The following MXD4 variants were observed in gnomAD, a reference collection of about 807,000 sequenced individuals.
MXD4 encodes MAX dimerization protein 4, also known as Mad4 homolog.
A neutral mutation model predicts 24.5 loss-of-function variants in MXD4; 16 were observed. The ratio of observed to expected loss-of-function variants is 0.65; its 90% confidence interval spans 0.44 to 0.99. MXD4 has a LOEUF of 0.99. Among genes scored for constraint, MXD4 ranks in the 50% least tolerant of loss-of-function variants. MXD4 has a pLI of 0.00. For synonymous variants in MXD4, 164 were observed against 134.2 expected, an observed-to-expected ratio of 1.22 and a Z score of -1.54; for missense variants, 301 against 301.5, an observed-to-expected ratio of 1.00 and a Z score of 0.01.
Position 2,252,489 on chromosome 4 carries a change from G to C in MXD4, c.228C>G (p.Leu76=). The part of the protein sequence containing the change: ...RAKLRLYLEQ[L]KQLVPLGPDS... ...CGGGGCCCAGGGGCACCAGTTGCTT[G>C]AGCTGCTCAAGGTACAGCCTGAGTT... Residue 76 remains leucine (L), a synonymous_variant, in exon 4 of 6, where the codon CTC becomes CTG. Transcript: ENST00000337190. 1.2e-6 allele frequency: 2 copies of C among 1,612,128 alleles called. No homozygotes were observed. Among genetic ancestry groups the C allele is most frequent in the Non-Finnish European group, 1.7e-6 (2 of 1,179,938 alleles).
intron 5 of MXD4, 69 bp downstream of exon 5, chr4:2,251,015 C>T: frequency 6.9e-7 from 1 of 1,449,448 alleles, no homozygotes; most frequent in Non-Finnish European, 9.1e-7. Context: ...CACCTCCTCT[C>T]CACCCAGGGA....
At chr4:2,258,990 A>T (rs1226595300) in intron 2 of MXD4, 1 of 455,104 alleles carries the variant, frequency 2.2e-6, no homozygotes, top group Non-Finnish European at 4.4e-6. Flanking sequence ...TCCCAGCTCC[A>T]GGCCACCTTC....
At chr4:2,251,489 C>T (rs962964219) in intron 4 of MXD4, among the ~76,000 whole-genome samples, 3 of 152,238 alleles carry the variant, frequency 2.0e-5, no homozygotes, top group African/African-American at 7.2e-5. Flanking sequence ...TTTCTGTCTA[C>T]GGCCCAGCTC....
In MXD4 at chr4:2,251,112, A is replaced by G; in HGVS notation, c.444T>C (p.Ser148=). The G allele has an allele frequency of 6.3e-7, 1 of 1,586,958 alleles. No individual in the cohort carries two copies. Among genetic ancestry groups the G allele is most frequent in the Non-Finnish European group, 8.6e-7 (1 of 1,162,898 alleles). Residue 148 remains serine, a synonymous_variant, in exon 5 of 6, where the codon TCT becomes TCC. Coordinates refer to ENST00000337190, the MANE Select transcript of MXD4 (RefSeq NM_006454.3). ...VERVRTDSTG[S]AVSTDDSEQE... is the part of the protein sequence containing the mutation. ...GCTCTGAGTCGTCCGTGGAGACAGC[A>G]GAGCCCGTGCTATCTGTGCGCACGC... is the stretch of plus-strand genomic sequence containing the variant.
chr4:2,256,627 G>A (rs962635385), intron 3 of MXD4, among the ~76,000 whole-genome samples: 1 of 152,180 alleles, frequency 6.6e-6, no homozygotes, highest in African/African-American at 2.4e-5. Context: ...GGGTGGGGGA[G>A]TCCACAGAGA....
In MXD4 at chr4:2,247,870, C is replaced by G. The variant is rs565250657; in HGVS notation, c.*2674G>C. 6.6e-6 allele frequency: 1 copy of G among 152,366 alleles called. No homozygotes were observed. The highest frequency in any genetic ancestry group is 2.4e-5 in the African/African-American group (1 of 41,468). The allele number at this position is 152,366 out of a possible 1,614,324, so 9.4% of individuals were successfully genotyped here. A position where few individuals can be genotyped will look rare whatever the true frequency, so the allele number is the denominator to read the frequency against. On this transcript the variant is annotated 3_prime_UTR_variant, in exon 6 of 6. Transcript: ENST00000337190. ...CCTTGCTGCAGCCTCTCCCACTCTG[C>G]GAGGATGGCGGGGGTCTGCTATGTG...
At position 2,255,841 on chromosome 4, in the gene MXD4, G is replaced by A. The variant is rs535679260; in HGVS notation, c.194+2141C>T. Reference sequence around the variant, plus strand: ...TGCCCAGAGGGGGACCCAGGGCACCGAGAGGGCATGGCTCCACGCCAGCAT... The same window carrying A: ...TGCCCAGAGGGGGACCCAGGGCACCAAGAGGGCATGGCTCCACGCCAGCAT... On this transcript the variant is annotated intron_variant, in intron 3 of 5. Coordinates refer to ENST00000337190, the MANE Select transcript of MXD4 (RefSeq NM_006454.3). Among the ~76,000 whole-genome samples, 12 of 152,320 alleles carry A rather than the reference G, an allele frequency of 7.9e-5. No individual in the cohort carries two copies. The East Asian group carries it at 1.5e-3, about 20-fold the overall frequency.
intron 3 of MXD4, 187 bp from the exon 4 acceptor site, chr4:2,252,709 A>T: frequency 1.9e-6 from 1 of 528,854 alleles, no homozygotes; most frequent in Non-Finnish European, 3.3e-6. Context: ...CCCAACACCC[A>T]CAGCCCCCAG....
Position 2,248,073 on chromosome 4 carries a change from G to A in MXD4, c.*2471C>T, listed in dbSNP as rs1735233516. The A allele has an allele frequency of 6.6e-6, 1 of 152,546 alleles. No individual in the cohort carries two copies. Among genetic ancestry groups the A allele is most frequent in the Non-Finnish European group, 1.5e-5 (1 of 68,302 alleles). The allele number at this position is 152,546 out of a possible 1,614,324, so 9.4% of individuals were successfully genotyped here. A position where few individuals can be genotyped will look rare whatever the true frequency, so the allele number is the denominator to read the frequency against. On this transcript the variant is annotated 3_prime_UTR_variant, in exon 6 of 6. Transcript: ENST00000337190. ...GTCTGCTCTCTATAGACACGGTGAT[G>A]GCCTCTTGGTCCCTGCAGCCTCCAG...
intron 5 of MXD4, among the ~76,000 whole-genome samples, 185 bp downstream of exon 5, chr4:2,250,898 GC>G (rs1735306528): frequency 6.6e-6 from 1 of 152,158 alleles, no homozygotes; most frequent in Non-Finnish European, 1.5e-5. Context: ...GGGCCACACA[GC>G]CTCTGCATCC....
chr4:2,251,199 C>T lies in MXD4; in HGVS notation c.357G>A (p.Leu119=), dbSNP rs757352118. ...GCTTCAGGAAACGATGCTCCTGCTG[C>T]AGCTGCTCCTTGATGCTCAGTGCCC... ...DRRALSIKEQ[L]QQEHRFLKRR... is the part of the protein sequence containing the mutation. The change falls in exon 5 of 6, where the codon CTG becomes CTA. Residue 119 remains leucine (L), a synonymous_variant. Transcript: ENST00000337190. The T allele has an allele frequency of 6.2e-7, 1 of 1,608,146 alleles. No individual in the cohort carries two copies. The highest frequency in any genetic ancestry group is 1.1e-5 in the South Asian group (1 of 90,150).
Position 2,261,934 on chromosome 4 carries a change from A to T in MXD4, c.47T>A (p.Leu16Gln). ...AGCGCTACCTCGATCCCTGCGCTCC[A>T]GGTACTCGGCCGCCTCCAGCAGGAT... The part of the protein sequence containing the change: ...LLILLEAAEY[L>Q]ERRDREAEHG... Residue 16 changes from leucine (L) to glutamine (Q), a missense_variant, in exon 1 of 6, where the codon CTG becomes CAG. Transcript: ENST00000337190. 1 of 1,460,808 alleles carries T rather than the reference A, an allele frequency of 6.8e-7. No homozygotes were observed. The highest frequency in any genetic ancestry group is 9.1e-7 in the Non-Finnish European group (1 of 1,104,576). The allele number at this position is 1,460,808 out of a possible 1,614,324, so 90.5% of individuals were successfully genotyped here. A position where few individuals can be genotyped will look rare whatever the true frequency, so the allele number is the denominator to read the frequency against.
chr4:2,249,493 G>A lies in MXD4; in HGVS notation c.*1051C>T, dbSNP rs1290958106. On this transcript the variant is annotated 3_prime_UTR_variant, in exon 6 of 6. Coordinates refer to ENST00000337190, the MANE Select transcript of MXD4 (RefSeq NM_006454.3). ...GAAAGCCTCTCTGCCAGCTGAAGCT[G>A]CCGCAGCAGAGCTCATGAGAAGCCC... 1 of 151,312 alleles carries A rather than the reference G, an allele frequency of 6.6e-6. No homozygotes were observed. The highest frequency in any genetic ancestry group is 1.5e-5 in the Non-Finnish European group (1 of 67,878). 9.4% of individuals were successfully genotyped at this position (151,312 alleles called of 1,614,324 possible).
chr4:2,249,299 T>A lies in MXD4; in HGVS notation c.*1245A>T, dbSNP rs1735262664. On this transcript the variant is annotated 3_prime_UTR_variant, in exon 6 of 6. Coordinates refer to ENST00000337190, the MANE Select transcript of MXD4 (RefSeq NM_006454.3). The stretch of plus-strand genomic sequence containing the variant: ...ACGACGTGACGGAGGGACAGGTCCC[T>A]GAGACGCTGGGTGGCTCCCACCCCT... 6.5e-6 allele frequency: 1 copy of A among 152,680 alleles called. No homozygotes were observed. Among genetic ancestry groups the A allele is most frequent in the Non-Finnish European group, 1.5e-5 (1 of 68,058 alleles). 9.5% of individuals were successfully genotyped at this position (152,680 alleles called of 1,614,324 possible). A position where few individuals can be genotyped will look rare whatever the true frequency, so the allele number is the denominator to read the frequency against.
chr4:2,258,774 G>A (rs1735480895), intron 2 of MXD4: 5 of 400,320 alleles, frequency 1.2e-5, no homozygotes, highest in South Asian at 3.6e-5. Context: ...GGCACAGGGG[G>A]ACACTGAGGC....
rs1735230352 is a variant in MXD4 at position 2,247,940 on chromosome 4, GGCT to G, written c.*2601_*2603del. The G allele has an allele frequency of 6.6e-6, 1 of 152,446 alleles. No individual in the cohort carries two copies. Among genetic ancestry groups the G allele is most frequent in the African/African-American group, 2.4e-5 (1 of 41,484 alleles). The allele number at this position is 152,446 out of a possible 1,614,324, so 9.4% of individuals were successfully genotyped here. On this transcript the variant is annotated 3_prime_UTR_variant, in exon 6 of 6. Coordinates refer to ENST00000337190, the MANE Select transcript of MXD4 (RefSeq NM_006454.3). ...GTATGCGGGAGCTGCCTTCCAATAA[GGCT>G]GGGGAACCCAAGCCTGAGTCTGGGT... is the stretch of plus-strand genomic sequence containing the variant.
chr4:2,258,942 G>C (rs1334910031), intron 2 of MXD4: 1 of 456,018 alleles, frequency 2.2e-6, no homozygotes, highest in African/African-American at 2.0e-5. Context: ...GTGTGCCACA[G>C]CATCTGCCTG....
chr4:2,261,839 C>A lies in MXD4; in HGVS notation c.65-15G>T, dbSNP rs1362380082. On this transcript the variant is annotated splice_polypyrimidine_tract_variant and intron_variant, in intron 1 of 5. Coordinates refer to ENST00000337190, the MANE Select transcript of MXD4 (RefSeq NM_006454.3). ...GTGCTCGGCCTCTGCGGACACACGG[C>A]GCGGTCAGCGGCCCCCGCCCGGCAC... 7 of 1,360,496 alleles carry A rather than the reference C, an allele frequency of 5.1e-6. No homozygotes were observed. Among genetic ancestry groups the A allele is most frequent in the Non-Finnish European group, 6.6e-6 (7 of 1,055,764 alleles). 84.3% of individuals were successfully genotyped at this position (1,360,496 alleles called of 1,614,324 possible).
Position 2,261,945 on chromosome 4 carries a change from C to T in MXD4, c.36G>A (p.Ala12=), listed in dbSNP as rs1240220120. The part of the protein sequence containing the change: ...ELNSLLILLE[A]AEYLERRDRE... Reference sequence around the variant, plus strand: ...GATCCCTGCGCTCCAGGTACTCGGCCGCCTCCAGCAGGATCAGCAGGGAGT... The same window carrying T: ...GATCCCTGCGCTCCAGGTACTCGGCTGCCTCCAGCAGGATCAGCAGGGAGT... Residue 12 remains alanine (A), a synonymous_variant, in exon 1 of 6, where the codon GCG becomes GCA. Transcript: ENST00000337190. 6.9e-7 allele frequency: 1 copy of T among 1,456,744 alleles called. No individual in the cohort carries two copies. The highest frequency in any genetic ancestry group is 9.1e-7 in the Non-Finnish European group (1 of 1,101,522). 90.2% of individuals were successfully genotyped at this position (1,456,744 alleles called of 1,614,324 possible). A position where few individuals can be genotyped will look rare whatever the true frequency, so the allele number is the denominator to read the frequency against.
Sources: gnomAD v4.1 joint callset for allele counts (sites outside exome capture counted in the v4.1 genomes callset) on GRCh38, gnomAD v4.1.1 for gene constraint, MANE v1.5 for transcripts, NCBI Gene and HGNC (gene_info 2026-07-23, HGNC 2026-07-21) for gene names.